RASAL2: variants seen among roughly 807,000 people sequenced by gnomAD.
RASAL2 encodes RAS protein activator like 2, also known as ras GTPase-activating protein nGAP.
Under a neutral mutation model 128.9 loss-of-function variants are expected in RASAL2, and 58 were observed. The observed-to-expected ratio is 0.45, with a 90% CI of 0.36 to 0.56. RASAL2 has a LOEUF of 0.56. Among genes scored for constraint, RASAL2 ranks in the 20% least tolerant of loss-of-function variants. The pLI is 0.00. For synonymous variants in RASAL2, 561 were observed against 580.8 expected (o/e 0.97, Z 0.49); for missense variants, 1,360 against 1,601.6 (o/e 0.85, Z 2.57).
At chr1:178,116,776 A>T (rs1659534081) in intron 1 of RASAL2, among the ~76,000 whole-genome samples, 1 of 151,760 alleles carries the variant, frequency 6.6e-6, no homozygotes, top group African/African-American at 2.4e-5. Flanking sequence ...CGCCTGGCTA[A>T]TTTTTTTGTA....
intron 1 of RASAL2, among the ~76,000 whole-genome samples, chr1:178,244,585 T>C (rs114954194): frequency 0.02 from 3,005 of 152,274 alleles, 85 homozygotes; most frequent in African/African-American, 0.065. Flanking sequence ...GTACTTTAAG[T>C]TCTGGGATAT....
chr1:178,195,336 TTGAATAG>T (rs1321168276), intron 1 of RASAL2, among the ~76,000 whole-genome samples: 40 of 152,240 alleles, frequency 2.6e-4, no homozygotes, highest in Non-Finnish European at 1.8e-4. Flanking sequence ...TTAACTGCAT[TTGAATAG>T]CTAATTGTTA....
intron 1 of RASAL2, among the ~76,000 whole-genome samples, chr1:178,110,560 AGTATATATAGCATATGTAG>A: frequency 6.8e-6 from 1 of 146,528 alleles, no homozygotes. Context: ...GTGTATATAT[AGTATATATAGCATATGTAG>A]TATATATATG....
intron 1 of RASAL2, among the ~76,000 whole-genome samples, chr1:178,278,078 G>A (rs961279989): frequency 9.9e-5 from 15 of 152,172 alleles, no homozygotes; most frequent in Non-Finnish European, 5.9e-5. Flanking sequence ...GCTGTCTGCC[G>A]CAGAGAGGGG....
intron 17 of RASAL2, among the ~76,000 whole-genome samples, chr1:178,471,663 T>G (rs1054083542): frequency 1.3e-5 from 2 of 152,134 alleles, no homozygotes; most frequent in Admixed American, 1.3e-4. Context: ...CCAGCACTGC[T>G]GCCTTACGGA....
At chr1:178,209,000 G>C (rs575061014) in intron 1 of RASAL2, among the ~76,000 whole-genome samples, 1 of 151,748 alleles carries the variant, frequency 6.6e-6, no homozygotes, top group Non-Finnish European at 1.5e-5. Context: ...TTAAATGATC[G>C]TATGGTACTT....
chr1:178,131,292 G>GA (rs1660105015), intron 1 of RASAL2, among the ~76,000 whole-genome samples: 2 of 149,038 alleles, frequency 1.3e-5, no homozygotes, highest in Admixed American at 1.3e-4. Context: ...CTGCAGTCTT[G>GA]AACTCCCAGG....
At chr1:178,370,626 T>C (rs1460621743) in intron 3 of RASAL2, among the ~76,000 whole-genome samples, 1 of 152,178 alleles carries the variant, frequency 6.6e-6, no homozygotes, top group South Asian at 2.1e-4. Flanking sequence ...TTAAATGAGG[T>C]CCTAAAATAT....
intron 1 of RASAL2, among the ~76,000 whole-genome samples, chr1:178,215,285 A>T (rs1663388952): frequency 1.3e-5 from 2 of 152,200 alleles, no homozygotes; most frequent in Admixed American, 1.3e-4. Flanking sequence ...TGTGTCTGAG[A>T]TCTAACCAAG....
intron 2 of RASAL2, among the ~76,000 whole-genome samples, chr1:178,293,349 G>T (rs975020549): frequency 6.6e-6 from 1 of 152,200 alleles, no homozygotes; most frequent in Non-Finnish European, 1.5e-5. Context: ...CCAAAGGAAA[G>T]CTTAATAAAA....
Position 178,452,080 on chromosome 1 carries a change from G to A in RASAL2, c.1773-336G>A, listed in dbSNP as rs115821953. Among the ~76,000 whole-genome samples, 696 of 152,240 alleles carry A rather than the reference G, an allele frequency of 4.6e-3. 8 individuals carry two copies. Among genetic ancestry groups the A allele is most frequent in the African/African-American group, 0.016 (663 of 41,548 alleles). ...AACTCCAGCAATTGGCGAAATTTTG[G>A]AAGATTTTTGATAAACAGTCTTTAG... On this transcript the variant is annotated intron_variant, in intron 10 of 17. Transcript: ENST00000367649.
chr1:178,147,536 A>T (rs1257540838), intron 1 of RASAL2, among the ~76,000 whole-genome samples: 3 of 152,014 alleles, frequency 2.0e-5, no homozygotes, highest in Admixed American at 6.6e-5. Context: ...ACAGTAAAGC[A>T]GTAAAGTGGT....
At chr1:178,425,390 T>C (rs1179385264) in intron 5 of RASAL2, among the ~76,000 whole-genome samples, 3 of 152,126 alleles carry the variant, frequency 2.0e-5, no homozygotes, top group African/African-American at 7.2e-5. Flanking sequence ...GAAACAAATA[T>C]GAACTCCATC....
intron 3 of RASAL2, among the ~76,000 whole-genome samples, chr1:178,355,606 C>A (rs1310017351): frequency 6.6e-6 from 1 of 151,946 alleles, no homozygotes; most frequent in Non-Finnish European, 1.5e-5. Context: ...AGAAAAAGCA[C>A]CAATTATAAA....
chr1:178,397,165 A>G (rs1007145069), intron 4 of RASAL2, among the ~76,000 whole-genome samples: 2 of 152,206 alleles, frequency 1.3e-5, no homozygotes, highest in Non-Finnish European at 2.9e-5. Context: ...TCCACATAAA[A>G]TGTACACAGA....
Position 178,121,723 on chromosome 1 carries a change from G to A in RASAL2, c.202+27029G>A, listed in dbSNP as rs936551014. Among the ~76,000 whole-genome samples, 11 of 152,104 alleles carry A rather than the reference G, an allele frequency of 7.2e-5. 1 individual carries two copies. Among genetic ancestry groups the A allele is most frequent in the African/African-American group, 2.6e-4 (11 of 41,512 alleles). On this transcript the variant is annotated intron_variant, in intron 1 of 17. Coordinates refer to ENST00000367649, the MANE Select transcript of RASAL2 (RefSeq NM_170692.4). ...CTGGTCTTGAATTTCCTGACCTCAG[G>A]TGATCTGCCCAGTCAGCCTCCCAAA...
rs1662272074 is a variant in RASAL2 at position 178,185,801 on chromosome 1, G to C, written c.202+91107G>C. On this transcript the variant is annotated intron_variant, in intron 1 of 17. Coordinates refer to ENST00000367649, the MANE Select transcript of RASAL2 (RefSeq NM_170692.4). ...ATATGATTTGCTAATATTTTGTTGA[G>C]AGTCTTTATATTCATGTTTATGAGA... Among the ~76,000 whole-genome samples the C allele has an allele frequency of 2.0e-5, 3 of 151,968 alleles. No homozygotes were observed. The South Asian group carries it at 6.2e-4, about 32-fold the overall frequency.
intron 1 of RASAL2, among the ~76,000 whole-genome samples, chr1:178,116,508 G>T (rs1659522927): frequency 6.6e-6 from 1 of 151,896 alleles, no homozygotes; most frequent in Non-Finnish European, 1.5e-5. Context: ...CATTATTTAG[G>T]TTATTAACCA....
chr1:178,125,554 ATTAAC>A (rs1659864331), intron 1 of RASAL2: 1 of 152,152 alleles, frequency 6.6e-6, no homozygotes. Context: ...TGCTACTGAA[ATTAAC>A]TTAATTATTT....
Sources: gnomAD v4.1 joint callset for allele counts (sites outside exome capture counted in the v4.1 genomes callset) on GRCh38, gnomAD v4.1.1 for gene constraint, MANE v1.5 for transcripts, NCBI Gene and HGNC (gene_info 2026-07-23, HGNC 2026-07-21) for gene names.